The following PLEKHA2 variants were observed in gnomAD, a reference collection of about 807,000 sequenced individuals.
PLEKHA2 encodes the protein pleckstrin homology domain containing A2.
Under a neutral mutation model 53.2 loss-of-function variants are expected in PLEKHA2, and 28 were observed. That is an observed-to-expected ratio of 0.53 (90% CI 0.39 to 0.72). The LOEUF is 0.72. Ranked by LOEUF, PLEKHA2 falls within the 30% of genes least tolerant of loss-of-function variation. The probability of loss-of-function intolerance (pLI) is 0.00; values close to 1 mark genes in which losing one functional copy is unlikely to be tolerated. For synonymous variants in PLEKHA2, 193 were observed against 196.4 expected (o/e 0.98, Z 0.14); for missense variants, 426 against 537.9 (o/e 0.79, Z 2.06).
chr8:38,941,083 G>T (rs1834603594), intron 3 of PLEKHA2, among the ~76,000 whole-genome samples: 1 of 145,856 alleles, frequency 6.9e-6, no homozygotes, highest in Non-Finnish European at 1.5e-5. Flanking sequence ...TAAAGACAGA[G>T]TCTCGCTCTG....
At chr8:38,931,815 CAG>C (rs1834398840) in intron 2 of PLEKHA2, among the ~76,000 whole-genome samples, 1 of 152,184 alleles carries the variant, frequency 6.6e-6, no homozygotes, top group Non-Finnish European at 1.5e-5. Context: ...ACTCCGAGAA[CAG>C]AGTCCAAGGC....
In PLEKHA2 at chr8:38,969,941, C is replaced by CTGTGTGTGTGTG. The variant is rs150722357; in HGVS notation, c.*184_*195dup. 1.2e-4 allele frequency: 85 copies of CTGTGTGTGTGTG among 697,784 alleles called. No homozygotes were observed. Among genetic ancestry groups the CTGTGTGTGTGTG allele is most frequent in the African/African-American group, 8.8e-4 (45 of 51,078 alleles). 43.2% of individuals were successfully genotyped at this position (697,784 alleles called of 1,614,324 possible). ...GGAGGGAGGGGCCCATCCAGCTGGG[C>CTGTGTGTGTGTG]TGTGTGTGTGTGTGTGTGTGTGTGT... On this transcript the variant is annotated 3_prime_UTR_variant, in exon 12 of 12. Coordinates refer to ENST00000617275, the MANE Select transcript of PLEKHA2 (RefSeq NM_021623.2).
chr8:38,902,788 C>G (rs1833812155), intron 1 of PLEKHA2, among the ~76,000 whole-genome samples: 2 of 152,122 alleles, frequency 1.3e-5, no homozygotes, highest in African/African-American at 4.8e-5. Context: ...AAAACACAAC[C>G]CCTGTCTTTA....
At chr8:38,907,037 C>A (rs1833887425) in intron 1 of PLEKHA2, among the ~76,000 whole-genome samples, 1 of 152,174 alleles carries the variant, frequency 6.6e-6, no homozygotes, top group Admixed American at 6.5e-5. Flanking sequence ...GTTGGTAGAA[C>A]CTCAGTCACT....
At chr8:38,956,725 C>T (rs1193827856) in intron 9 of PLEKHA2, among the ~76,000 whole-genome samples, 2 of 152,108 alleles carry the variant, frequency 1.3e-5, no homozygotes, top group African/African-American at 4.8e-5. Context: ...GCCTGGGCAA[C>T]AGAGCGAGAC....
chr8:38,953,401 A>C (rs1564147871), intron 9 of PLEKHA2, 34 bp downstream of exon 9: 1 of 1,547,980 alleles, frequency 6.5e-7, no homozygotes, highest in Non-Finnish European at 8.9e-7. Flanking sequence ...TCTAATCCAA[A>C]CCTCCATTTG....
At chr8:38,913,122 G>A (rs951419771) in intron 1 of PLEKHA2, among the ~76,000 whole-genome samples, 6 of 152,210 alleles carry the variant, frequency 3.9e-5, no homozygotes, top group Non-Finnish European at 5.9e-5. Flanking sequence ...CCAGCACTTT[G>A]GGAGGCCGAG....
chr8:38,968,420 A>C (rs969668879), intron 10 of PLEKHA2, among the ~76,000 whole-genome samples, 172 bp from the exon 11 acceptor site: 2 of 152,188 alleles, frequency 1.3e-5, no homozygotes, highest in African/African-American at 2.4e-5. Flanking sequence ...CAAATAAGAT[A>C]TTGCAGGGAA....
chr8:38,915,727 C>G (rs1034304379), intron 1 of PLEKHA2, among the ~76,000 whole-genome samples: 9 of 152,210 alleles, frequency 5.9e-5, no homozygotes, highest in Non-Finnish European at 1.3e-4. Flanking sequence ...GTGACCCTAC[C>G]TCAAGGCTCC....
chr8:38,946,863 A>C (rs556635437), intron 5 of PLEKHA2, among the ~76,000 whole-genome samples: 2 of 152,330 alleles, frequency 1.3e-5, no homozygotes, highest in South Asian at 4.1e-4. Flanking sequence ...ACTTTTAATC[A>C]ATAAGACAGG....
intron 5 of PLEKHA2, among the ~76,000 whole-genome samples, chr8:38,948,592 G>T (rs113676625): frequency 0.04 from 6,067 of 152,208 alleles, 419 homozygotes; most frequent in African/African-American, 0.14. Flanking sequence ...AGGAAGAGAA[G>T]GTCTCGTTGT....
intron 3 of PLEKHA2, among the ~76,000 whole-genome samples, chr8:38,939,341 G>C (rs1480537471): frequency 6.6e-6 from 1 of 152,190 alleles, no homozygotes; most frequent in Non-Finnish European, 1.5e-5. Context: ...AAGACATTGA[G>C]GGTCTTACCC....
chr8:38,921,705 T>C (rs961216624), intron 2 of PLEKHA2, among the ~76,000 whole-genome samples: 1 of 152,244 alleles, frequency 6.6e-6, no homozygotes, highest in African/African-American at 2.4e-5. Context: ...TTCTTCAAGT[T>C]TGAATTACCA....
At position 38,968,617 on chromosome 8, in the gene PLEKHA2, G is replaced by C. The variant is rs777731720; in HGVS notation, c.863G>C (p.Ser288Thr). 1 of 1,614,046 alleles carries C rather than the reference G, an allele frequency of 6.2e-7. No individual in the cohort carries two copies. The change falls in exon 11 of 12, where the codon AGC becomes ACC. Residue 288 changes from serine (S) to threonine (T), a missense_variant. Transcript: ENST00000617275. ...VQADSPEDMH[S>T]WIKEIGAAVQ... Reference sequence around the variant, plus strand: ...GCAGACAGTCCAGAAGACATGCACAGCTGGATTAAGGAGATTGGCGCAGCT... The same window carrying C: ...GCAGACAGTCCAGAAGACATGCACACCTGGATTAAGGAGATTGGCGCAGCT...
At chr8:38,902,759 A>G (rs1259460423) in intron 1 of PLEKHA2, among the ~76,000 whole-genome samples, 1 of 152,202 alleles carries the variant, frequency 6.6e-6, no homozygotes, top group Admixed American at 6.5e-5. Flanking sequence ...TGTATTATAC[A>G]TGCAAGGCAG....
At chr8:38,948,656 A>G (rs890421371) in intron 5 of PLEKHA2, among the ~76,000 whole-genome samples, 1 of 152,212 alleles carries the variant, frequency 6.6e-6, no homozygotes, top group East Asian at 1.9e-4. Flanking sequence ...AACAGACACC[A>G]AATGACAGGG....
intron 1 of PLEKHA2, among the ~76,000 whole-genome samples, chr8:38,916,051 C>G (rs761794429): frequency 6.6e-6 from 1 of 152,152 alleles, no homozygotes; most frequent in Non-Finnish European, 1.5e-5. Context: ...TCTCGTCTCA[C>G]TATAACCTCC....
intron 9 of PLEKHA2, among the ~76,000 whole-genome samples, chr8:38,955,908 T>C (rs574699684): frequency 6.6e-6 from 1 of 152,326 alleles, no homozygotes; most frequent in South Asian, 2.1e-4. Flanking sequence ...CCTCCCAGGC[T>C]CAGGTGATCC....
rs1340960758 is a variant in PLEKHA2, at chr8:38,972,124, ATCT to A, written c.*2346_*2348del. The A allele has an allele frequency of 2.0e-5, 3 of 152,300 alleles. No individual in the cohort carries two copies. The highest frequency in any genetic ancestry group is 3.9e-4 in the East Asian group (2 of 5,184). 9.4% of individuals were successfully genotyped at this position (152,300 alleles called of 1,614,324 possible). ...AGGACACTAAGACTGTCAAATGGAAATCTTCTTGTCAATTGGCAAACACTTGGG... is the reference window on the plus strand; with the variant it reads ...AGGACACTAAGACTGTCAAATGGAAATCTTGTCAATTGGCAAACACTTGGG... On this transcript the variant is annotated 3_prime_UTR_variant, in exon 12 of 12. Transcript: ENST00000617275.
Sources: gnomAD v4.1 joint callset for allele counts (sites outside exome capture counted in the v4.1 genomes callset) on GRCh38, gnomAD v4.1.1 for gene constraint, MANE v1.5 for transcripts, NCBI Gene and HGNC (gene_info 2026-07-23, HGNC 2026-07-21) for gene names.